The following DPH6 variants were observed in gnomAD, a reference collection of about 807,000 sequenced individuals.
DPH6 encodes diphthine--ammonia ligase.
DPH6 carries 33 observed loss-of-function variants against 38.2 expected under a neutral mutation model. The observed-to-expected ratio is 0.86, with a 90% confidence interval of 0.65 to 1.15. The LOEUF (loss-of-function observed/expected upper bound fraction) is 1.15, where lower values mean the gene tolerates loss of function less well. Ranked by LOEUF, DPH6 falls within the 50% of genes most tolerant of loss-of-function variation. The pLI, the probability that DPH6 is intolerant of heterozygous loss-of-function variation, is 0.00. For synonymous variants in DPH6, 108 were observed against 103.0 expected, an observed-to-expected ratio of 1.05 and a Z score of -0.30; for missense variants, 325 against 320.0, an observed-to-expected ratio of 1.02 and a Z score of -0.12.
In DPH6 at chr15:35,343,139, T is replaced by C. The variant is rs149316240; in HGVS notation, n.208-12062A>G. Among the ~76,000 whole-genome samples the C allele has an allele frequency of 3.0e-3, 452 of 152,342 alleles. 2 individuals carry two copies. The highest frequency in any genetic ancestry group is 0.01 in the African/African-American group (423 of 41,588). On this transcript the variant is annotated intron_variant and non_coding_transcript_variant, in intron 3 of 3. Coordinates refer to the DPH6 transcript ENST00000558973. ...TTAATATTATCAACTATCTAGTCAATGTTCACATCAATATTAGATGAAATA... is the reference window on the plus strand; with the variant it reads ...TTAATATTATCAACTATCTAGTCAACGTTCACATCAATATTAGATGAAATA...
chr15:35,523,582 C>T (rs1346356922), intron 3 of DPH6, among the ~76,000 whole-genome samples: 2 of 152,044 alleles, frequency 1.3e-5, no homozygotes, highest in Non-Finnish European at 2.9e-5. Context: ...GCTACCTTTG[C>T]TTTCCATAAA....
chr15:35,155,115 T>C, the DPH6 span, among the ~76,000 whole-genome samples: 5 of 152,136 alleles, frequency 3.3e-5, no homozygotes, highest in Non-Finnish European at 7.3e-5. Context: ...CAGCAGAGGT[T>C]GAGATGGAAA....
At chr15:35,165,796 A>C in the DPH6 span, among the ~76,000 whole-genome samples, 7 of 151,944 alleles carry the variant, frequency 4.6e-5, no homozygotes, top group Non-Finnish European at 1.0e-4. Flanking sequence ...TATAATTCTG[A>C]ACAACCGAAA....
chr15:35,538,154 CTT>C (rs1555409709), intron 3 of DPH6, 118 bp downstream of exon 3: 1 of 877,540 alleles, frequency 1.1e-6, no homozygotes, highest in African/African-American at 1.7e-5. Context: ...AGACAAAATC[CTT>C]TTAAAGAATA....
chr15:35,176,548 C>A, the DPH6 span, among the ~76,000 whole-genome samples: 1 of 151,882 alleles, frequency 6.6e-6, no homozygotes, highest in African/African-American at 2.4e-5. Flanking sequence ...CTCAGCTCAC[C>A]ACAACCTCCG....
intron 3 of DPH6, among the ~76,000 whole-genome samples, chr15:35,276,642 T>C (rs1027178576): frequency 1.3e-5 from 2 of 152,228 alleles, no homozygotes; most frequent in African/African-American, 4.8e-5. Flanking sequence ...AGTTTCATTA[T>C]TCTACATGTG....
intron 3 of DPH6, among the ~76,000 whole-genome samples, chr15:35,255,870 A>G (rs2051704733): frequency 6.6e-6 from 1 of 152,120 alleles, no homozygotes; most frequent in Non-Finnish European, 1.5e-5. Context: ...TCTTTGTCCA[A>G]CTAAGCAGTG....
At chr15:35,310,004 T>G (rs1595471554) in intron 3 of DPH6, among the ~76,000 whole-genome samples, 1 of 152,122 alleles carries the variant, frequency 6.6e-6, no homozygotes, top group South Asian at 2.1e-4. Context: ...AAGAAAACTT[T>G]TTTTTCCCCC....
the DPH6 span, among the ~76,000 whole-genome samples, chr15:35,149,684 A>T: frequency 6.6e-6 from 1 of 152,180 alleles, no homozygotes; most frequent in African/African-American, 2.4e-5. Context: ...TGCAAAGCCA[A>T]TGTACACTTT....
rs111524684 is a variant in DPH6 at position 35,314,137 on chromosome 15, C to G, written n.200+59384G>C. 8.1e-3 allele frequency among the ~76,000 whole-genome samples: 1,218 copies of G among 150,334 alleles called. 18 individuals are homozygous for G. Among genetic ancestry groups the G allele is most frequent in the African/African-American group, 0.028 (1,148 of 41,040 alleles). ...AGAAAATTAAAAAAATGGTCAAGAG[C>G]TCTGAATAGACATTTCTCAAAAGAG... On this transcript the variant is annotated intron_variant and non_coding_transcript_variant, in intron 3 of 3. Transcript: ENST00000560386.
At chr15:35,260,307 C>T (rs149382887) in intron 3 of DPH6, among the ~76,000 whole-genome samples, 17 of 152,092 alleles carry the variant, frequency 1.1e-4, no homozygotes, top group African/African-American at 3.9e-4. Context: ...AGGGTTTCAC[C>T]ATGTTGGCCA....
chr15:35,422,546 C>T (rs150096875), intron 5 of DPH6, among the ~76,000 whole-genome samples: 92 of 152,008 alleles, frequency 6.1e-4, no homozygotes, highest in African/African-American at 2.1e-3. Flanking sequence ...CCCATCTCCT[C>T]ACACAGTTAC....
intron 5 of DPH6, among the ~76,000 whole-genome samples, chr15:35,412,284 G>C (rs947185527): frequency 1.3e-5 from 2 of 151,526 alleles, no homozygotes; most frequent in Admixed American, 6.6e-5. Flanking sequence ...AATAAAACAA[G>C]AAGAAGAAAC....
intron 5 of DPH6, among the ~76,000 whole-genome samples, chr15:35,436,509 C>CAAAAAAAAAAAAAAAAAAAAAAAAA (rs1491101707): frequency 9.3e-6 from 1 of 107,592 alleles, no homozygotes; most frequent in Non-Finnish European, 1.8e-5. Context: ...CAAAACAAAA[C>CAAAAAAAAAAAAAAAAAAAAAAAAA]AAAACAAAAA....
At chr15:35,500,687 C>T (rs2054614762) in intron 3 of DPH6, among the ~76,000 whole-genome samples, 1 of 152,150 alleles carries the variant, frequency 6.6e-6, no homozygotes, top group East Asian at 1.9e-4. Flanking sequence ...TGATATCTTC[C>T]ATAATTTTGT....
chr15:35,529,574 T>A (rs1251249239), intron 3 of DPH6, among the ~76,000 whole-genome samples: 1 of 152,188 alleles, frequency 6.6e-6, no homozygotes, highest in Non-Finnish European at 1.5e-5. Flanking sequence ...TGAACTCCCA[T>A]AACCCTTTAG....
At chr15:35,241,773 A>G (rs2051601234) in intron 3 of DPH6, among the ~76,000 whole-genome samples, 1 of 142,698 alleles carries the variant, frequency 7.0e-6, no homozygotes, top group African/African-American at 2.5e-5. Flanking sequence ...ATCTCATCCC[A>G]CAGCATGCTT....
intron 3 of DPH6, among the ~76,000 whole-genome samples, chr15:35,288,725 A>G (rs2051960107): frequency 6.6e-6 from 1 of 152,146 alleles, no homozygotes; most frequent in African/African-American, 2.4e-5. Flanking sequence ...ATCCTGCATT[A>G]TGTGCTTCAT....
intron 3 of DPH6, among the ~76,000 whole-genome samples, chr15:35,355,562 T>C (rs1595497152): frequency 2.6e-5 from 4 of 152,218 alleles, no homozygotes. Flanking sequence ...TTTAGCTGGA[T>C]ATGAAATTCT....
Sources: gnomAD v4.1 joint callset for allele counts (sites outside exome capture counted in the v4.1 genomes callset) on GRCh38, gnomAD v4.1.1 for gene constraint, MANE v1.5 for transcripts, NCBI Gene and HGNC (gene_info 2026-07-23, HGNC 2026-07-21) for gene names.